PTPRD: variants seen among roughly 807,000 people sequenced by gnomAD.
PTPRD encodes the protein receptor-type tyrosine-protein phosphatase delta.
A neutral mutation model predicts 214.5 loss-of-function variants in PTPRD; 34 were observed. The ratio of observed to expected loss-of-function variants is 0.16; its 90% CI spans 0.12 to 0.21. The LOEUF (loss-of-function observed/expected upper bound fraction) is 0.21, where lower values mean the gene tolerates loss of function less well. PTPRD is among the 10% of genes least tolerant of loss of function. PTPRD has a pLI of 1.00. For synonymous variants in PTPRD, 1,128 were observed against 845.7 expected (o/e 1.33, Z -5.79); for missense variants, 2,545 against 2,398.7 (o/e 1.06, Z -1.27).
chr9:10,410,120 C>A (rs1374387122), intron 2 of PTPRD, among the ~76,000 whole-genome samples: 1 of 150,972 alleles, frequency 6.6e-6, no homozygotes, highest in African/African-American at 2.4e-5. Context: ...CATGATAGAA[C>A]AACTTTTGAT....
chr9:10,165,186 A>G (rs1226848471), intron 3 of PTPRD, among the ~76,000 whole-genome samples: 1 of 151,754 alleles, frequency 6.6e-6, no homozygotes, highest in Non-Finnish European at 1.5e-5. Context: ...TCAAAAGATT[A>G]CCACCCTGTA....
chr9:8,486,996 A>AG (rs1274255208), intron 27 of PTPRD, among the ~76,000 whole-genome samples: 1 of 152,028 alleles, frequency 6.6e-6, no homozygotes, highest in East Asian at 1.9e-4. Context: ...TAAAAGTTTA[A>AG]AAAAAAACCA....
chr9:9,604,718 AT>A (rs1229370942), intron 7 of PTPRD, among the ~76,000 whole-genome samples: 8 of 152,014 alleles, frequency 5.3e-5, no homozygotes, highest in Non-Finnish European at 7.4e-5. Flanking sequence ...TGGGTGGCAA[AT>A]TTAAAAGGGT....
intron 11 of PTPRD, among the ~76,000 whole-genome samples, chr9:9,014,677 T>C (rs2099527030): frequency 6.6e-6 from 1 of 152,130 alleles, no homozygotes; most frequent in Non-Finnish European, 1.5e-5. Context: ...TGGGAGACAA[T>C]CTGAGGAAGG....
Position 9,331,355 on chromosome 9 carries a change from T to C in PTPRD, c.-203+66094A>G, listed in dbSNP as rs182524589. Among the ~76,000 whole-genome samples the C allele has an allele frequency of 1.6e-3, 244 of 152,228 alleles. 1 individual carries two copies. The highest frequency in any genetic ancestry group is 5.4e-3 in the African/African-American group (224 of 41,570). ...TTAAATTCCTTAAATAGTAGTATGATTGCCTGGCTCATTCTTTCTCGGGAT... is the reference window on the plus strand; with the variant it reads ...TTAAATTCCTTAAATAGTAGTATGACTGCCTGGCTCATTCTTTCTCGGGAT... On this transcript the variant is annotated intron_variant, in intron 9 of 45. Coordinates refer to ENST00000381196, the MANE Select transcript of PTPRD (RefSeq NM_002839.4).
At position 10,379,733 on chromosome 9, in the gene PTPRD, GTCTT is replaced by G. The variant is rs1288404020; in HGVS notation, c.-599-38720_-599-38717del. On this transcript the variant is annotated intron_variant, in intron 2 of 45. Transcript: ENST00000381196. The stretch of plus-strand genomic sequence containing the variant: ...GATGGTTGTGCCTTAAAACCTTTAT[GTCTT>G]TCTAACTTATTTATGATCAAAAATA... Among the ~76,000 whole-genome samples, 7 of 152,054 alleles carry G rather than the reference GTCTT, an allele frequency of 4.6e-5. No individual in the cohort carries two copies. In the East Asian group the frequency reaches 1.4e-3, roughly 30 times the overall value.
intron 9 of PTPRD, among the ~76,000 whole-genome samples, chr9:9,300,878 TC>T (rs1289755803): frequency 1.3e-5 from 2 of 151,914 alleles, no homozygotes; most frequent in African/African-American, 4.8e-5. Context: ...CTTGCTTTAA[TC>T]TTTTACGCAT....
intron 5 of PTPRD, among the ~76,000 whole-genome samples, chr9:9,795,935 G>A (rs1037176688): frequency 2.0e-5 from 3 of 151,884 alleles, no homozygotes; most frequent in Non-Finnish European, 1.5e-5. Flanking sequence ...AACTATCACA[G>A]GATTGTTTCT....
chr9:8,412,346 G>C (rs1034458278), intron 35 of PTPRD, among the ~76,000 whole-genome samples: 1 of 152,138 alleles, frequency 6.6e-6, no homozygotes, highest in South Asian at 2.1e-4. Flanking sequence ...AAATTATCTA[G>C]CAAATACAAT....
chr9:8,872,413 AT>A (rs951602706), intron 11 of PTPRD, among the ~76,000 whole-genome samples: 2 of 152,204 alleles, frequency 1.3e-5, no homozygotes, highest in Admixed American at 1.3e-4. Flanking sequence ...ATGATTGAGT[AT>A]TTTTTTGTTA....
chr9:8,812,162 C>A (rs1378638011), intron 11 of PTPRD, among the ~76,000 whole-genome samples: 1 of 152,010 alleles, frequency 6.6e-6, no homozygotes, highest in Non-Finnish European at 1.5e-5. Context: ...TGGCAAGATC[C>A]CCAACAGACT....
intron 12 of PTPRD, among the ~76,000 whole-genome samples, chr9:8,717,287 A>G (rs771261957): frequency 1.3e-5 from 2 of 152,196 alleles, no homozygotes; most frequent in African/African-American, 4.8e-5. Context: ...AGAAATACAC[A>G]AAGTGTATCC....
At chr9:9,579,074 A>C (rs1344714863) in intron 7 of PTPRD, among the ~76,000 whole-genome samples, 3 of 152,156 alleles carry the variant, frequency 2.0e-5, no homozygotes, top group Non-Finnish European at 4.4e-5. Flanking sequence ...TAGTCATTAC[A>C]TCTCTATATG....
chr9:9,025,852 G>C (rs144786949), intron 10 of PTPRD, among the ~76,000 whole-genome samples: 1 of 152,018 alleles, frequency 6.6e-6, no homozygotes, highest in African/African-American at 2.4e-5. Flanking sequence ...TGGATATTTA[G>C]CACTTAATAT....
intron 7 of PTPRD, among the ~76,000 whole-genome samples, chr9:9,679,531 C>T (rs567810149): frequency 1.3e-5 from 2 of 151,832 alleles, no homozygotes; most frequent in Non-Finnish European, 2.9e-5. Context: ...ATGGATCAGT[C>T]CTCTGTGTTT....
chr9:8,601,270 C>A (rs937199448), intron 14 of PTPRD, among the ~76,000 whole-genome samples: 1 of 152,158 alleles, frequency 6.6e-6, no homozygotes, highest in African/African-American at 2.4e-5. Context: ...GACTCCAGTC[C>A]CTGGCTCCCA....
chr9:10,406,933 T>C (rs1356787483), intron 2 of PTPRD, among the ~76,000 whole-genome samples: 2 of 151,588 alleles, frequency 1.3e-5, no homozygotes, highest in Non-Finnish European at 1.5e-5. Context: ...TAGAAAAATA[T>C]ATGGTCATCT....
At chr9:9,715,235 T>C (rs890130138) in intron 7 of PTPRD, among the ~76,000 whole-genome samples, 2 of 152,324 alleles carry the variant, frequency 1.3e-5, no homozygotes, top group Non-Finnish European at 2.9e-5. Flanking sequence ...TGACTTTCTG[T>C]TCCTACTATA....
chr9:9,923,162 A>G (rs961094476), intron 5 of PTPRD, among the ~76,000 whole-genome samples: 3 of 147,954 alleles, frequency 2.0e-5, no homozygotes, highest in African/African-American at 7.8e-5. Flanking sequence ...GTACAGAAAA[A>G]GGAAGCAAAT....
Sources: gnomAD v4.1 joint callset for allele counts (sites outside exome capture counted in the v4.1 genomes callset) on GRCh38, gnomAD v4.1.1 for gene constraint, MANE v1.5 for transcripts, NCBI Gene and HGNC (gene_info 2026-07-23, HGNC 2026-07-21) for gene names.